The following CACNA1C variants were observed in gnomAD, a reference collection of about 807,000 sequenced individuals.
CACNA1C encodes the protein calcium voltage-gated channel subunit alpha1 C, also known as voltage-dependent L-type calcium channel subunit alpha-1C.
A neutral mutation model predicts 229.0 loss-of-function variants in CACNA1C; 30 were observed. That is an observed-to-expected ratio of 0.13 (90% CI 0.10 to 0.18). The LOEUF (loss-of-function observed/expected upper bound fraction) is 0.18. Among genes scored for constraint, CACNA1C ranks in the 10% least tolerant of loss-of-function variants. The pLI, the probability that CACNA1C is intolerant of heterozygous loss-of-function variation, is 1.00. For synonymous variants in CACNA1C, 1,114 were observed against 1,132.5 expected, an observed-to-expected ratio of 0.98 and a Z score of 0.33; for missense variants, 1,658 against 2,845.0, an observed-to-expected ratio of 0.58 and a Z score of 9.49.
At chr12:2,519,018 A>T (rs2099804179) in intron 9 of CACNA1C, among the ~76,000 whole-genome samples, 1 of 152,224 alleles carries the variant, frequency 6.6e-6, no homozygotes, top group South Asian at 2.1e-4. Flanking sequence ...AGGGCTCCAG[A>T]TTCCCCATGC....
At chr12:2,553,949 C>T (rs1225515155) in intron 10 of CACNA1C, among the ~76,000 whole-genome samples, 2 of 152,156 alleles carry the variant, frequency 1.3e-5, no homozygotes, top group Non-Finnish European at 2.9e-5. Flanking sequence ...GAGAGGACGT[C>T]CTGGAGTTAA....
chr12:2,336,395 CG>C (rs1291862558), intron 3 of CACNA1C, among the ~76,000 whole-genome samples: 1 of 152,082 alleles, frequency 6.6e-6, no homozygotes, highest in Admixed American at 6.5e-5. Flanking sequence ...TTTAAAGAGC[CG>C]TGTTTGACTC....
intron 9 of CACNA1C, among the ~76,000 whole-genome samples, chr12:2,549,233 G>T (rs2099890879): frequency 6.6e-6 from 1 of 152,192 alleles, no homozygotes. Flanking sequence ...CAGGGTGGCT[G>T]AAAGGGGAAA....
intron 3 of CACNA1C, among the ~76,000 whole-genome samples, chr12:2,150,670 G>T (rs2095162865): frequency 6.6e-6 from 1 of 152,166 alleles, no homozygotes; most frequent in African/African-American, 2.4e-5. Context: ...GTGTGGGTTG[G>T]CATGCAATGA....
rs190776585 is a variant in CACNA1C at position 2,068,508 on chromosome 12, T to C, written c.49+14897T>C. Among the ~76,000 whole-genome samples the C allele has an allele frequency of 9.7e-4, 148 of 152,374 alleles. 1 individual carries two copies. The highest frequency in any genetic ancestry group is 3.2e-3 in the African/African-American group (134 of 41,594). ...TGCATCCATTCTTATATGTTGGCAT[T>C]GTTCCCAAAAGAGGCACAGTTGTTG... On this transcript the variant is annotated intron_variant, in intron 1 of 46. Transcript: ENST00000399655.
At chr12:2,400,410 C>G (rs990900426) in intron 3 of CACNA1C, among the ~76,000 whole-genome samples, 1 of 152,174 alleles carries the variant, frequency 6.6e-6, no homozygotes, top group African/African-American at 2.4e-5. Flanking sequence ...CATCTACCTA[C>G]CAAGTTCTCA....
intron 1 of CACNA1C, among the ~76,000 whole-genome samples, chr12:2,058,187 TAAG>T (rs899690746): frequency 4.6e-5 from 7 of 151,350 alleles, no homozygotes; most frequent in African/African-American, 1.7e-4. Context: ...GGCACTGTGC[TAAG>T]AAGGGGTGAG....
Position 2,504,265 on chromosome 12 carries a change from G to A in CACNA1C, c.1114-577G>A, listed in dbSNP as rs72653436. Among the ~76,000 whole-genome samples the A allele has an allele frequency of 0.068, 10,346 of 152,176 alleles. 427 individuals carry two copies. The highest frequency in any genetic ancestry group is 0.14 in the East Asian group (702 of 5,164). ...GCCGAGGTCCCCTTCGGTCACAGGA[G>A]TTCCTTTGAACATGGGCGATGCCCT... On this transcript the variant is annotated intron_variant, in intron 7 of 46. Coordinates refer to ENST00000399655, the MANE Select transcript of CACNA1C (RefSeq NM_000719.7). The surrounding 1 kb of genome is among the most constrained non-coding windows in gnomAD (Gnocchi z 6.8).
intron 1 of CACNA1C, among the ~76,000 whole-genome samples, chr12:2,084,043 A>G (rs532110460): frequency 2.6e-5 from 4 of 152,348 alleles, no homozygotes; most frequent in South Asian, 2.1e-4. Context: ...TGCTGATAGT[A>G]TATCTGTCCT....
chr12:2,141,490 T>C (rs114469168), intron 3 of CACNA1C, among the ~76,000 whole-genome samples: 1,515 of 151,416 alleles, frequency 0.01, 38 homozygotes, highest in African/African-American at 0.034. Context: ...CACAAGGCTC[T>C]TGTGAGGTGT....
At chr12:2,077,813 T>G (rs894299670) in intron 1 of CACNA1C, among the ~76,000 whole-genome samples, 3 of 152,208 alleles carry the variant, frequency 2.0e-5, no homozygotes, top group Non-Finnish European at 4.4e-5. Flanking sequence ...GGAAGTGTTC[T>G]GTGTGTCCTG....
rs575253024 is a variant in CACNA1C, at chr12:2,074,293, C to T, written c.49+20682C>T. Among the ~76,000 whole-genome samples the T allele has an allele frequency of 4.6e-5, 7 of 152,294 alleles. No homozygotes were observed. The East Asian group carries it at 1.3e-3, about 29-fold the overall frequency. ...GAGCTTCTAATTTCTGTTCTAGACT[C>T]CTGAAGGAGTCTGCAAATAATACTT... On this transcript the variant is annotated intron_variant, in intron 1 of 46. Transcript: ENST00000399655.
intron 3 of CACNA1C, among the ~76,000 whole-genome samples, chr12:2,142,626 T>TC (rs2094351785): frequency 1.3e-5 from 2 of 151,420 alleles, no homozygotes; most frequent in South Asian, 2.1e-4. Context: ...TGTATTATTT[T>TC]CCCCGAAGAC....
At chr12:2,160,241 G>A (rs1257650779) in intron 3 of CACNA1C, among the ~76,000 whole-genome samples, 1 of 152,178 alleles carries the variant, frequency 6.6e-6, no homozygotes, top group Non-Finnish European at 1.5e-5. Context: ...TGGGAGAAGC[G>A]TGCTGTATCC....
intron 5 of CACNA1C, among the ~76,000 whole-genome samples, chr12:2,470,049 T>C (rs112048369): frequency 0.022 from 3,411 of 152,318 alleles, 130 homozygotes; most frequent in African/African-American, 0.078. Context: ...TAATTTCTTT[T>C]TTAACCACTA....
Position 2,584,635 on chromosome 12 carries a change from C to G in CACNA1C, c.2339+18C>G. 1 of 1,548,064 alleles carries G rather than the reference C, an allele frequency of 6.5e-7. No homozygotes were observed. On this transcript the variant is annotated intron_variant, in intron 16 of 46. Transcript: ENST00000399655. ...CTGGCCAGGTAACCCTCTAAGCTTG[C>G]CCAGGCCTGGGGCTCCAGGGCTCCC...
chr12:2,648,309 G>A (rs911303114), intron 30 of CACNA1C, among the ~76,000 whole-genome samples, 166 bp from the exon 31 acceptor site: 1 of 152,192 alleles, frequency 6.6e-6, no homozygotes, highest in African/African-American at 2.4e-5. Context: ...CCACACTCAT[G>A]GGGACGCCCC....
intron 3 of CACNA1C, among the ~76,000 whole-genome samples, chr12:2,447,896 G>A (rs959650980): frequency 6.6e-6 from 1 of 152,268 alleles, no homozygotes; most frequent in African/African-American, 2.4e-5. Context: ...ACTTGGGGCT[G>A]TGGACAGGCC....
chr12:2,141,045 G>A (rs936642356), intron 3 of CACNA1C, among the ~76,000 whole-genome samples: 4 of 151,226 alleles, frequency 2.6e-5, no homozygotes, highest in Non-Finnish European at 5.9e-5. Context: ...AAGATGGGCT[G>A]GCTCTGGGCA....
Sources: gnomAD v4.1 joint callset for allele counts (sites outside exome capture counted in the v4.1 genomes callset) on GRCh38, gnomAD v4.1.1 for gene constraint, Gnocchi (gnomAD v3.1) non-coding constraint, MANE v1.5 for transcripts, NCBI Gene and HGNC (gene_info 2026-07-23, HGNC 2026-07-21) for gene names.